Variants in EXOC3L4 observed in about 807,000 individuals in gnomAD.
The protein encoded by EXOC3L4 is exocyst complex component 3-like protein 4.
A neutral mutation model predicts 69.7 loss-of-function variants in EXOC3L4; 62 were observed. That is an observed-to-expected ratio of 0.89 (90% CI 0.72 to 1.10). The LOEUF is 1.10. EXOC3L4 is among the 50% of genes least tolerant of loss of function. EXOC3L4 has a pLI of 0.00. For missense variants in EXOC3L4, 1,087 were observed against 1,034.8 expected (o/e 1.05, Z -0.69); for synonymous variants, 502 against 464.2 (o/e 1.08, Z -1.05).
rs1310874892 is a variant in EXOC3L4 at position 103,106,809 on chromosome 14, A to G, written c.1491A>G (p.Pro497=). The part of the protein sequence containing the change: ...ELRTSLLSRF[P]GTQEELEKPL... ...GGACCAGTCTTCTCTCCAGGTTCCCAGGAACCCAAGAGGAGCTGGAGAAGC... is the reference window on the plus strand; with the variant it reads ...GGACCAGTCTTCTCTCCAGGTTCCCGGGAACCCAAGAGGAGCTGGAGAAGC... The change falls in exon 8 of 12, where the codon CCA becomes CCG. Residue 497 remains proline, a synonymous_variant. Transcript: ENST00000688303. 3 of 1,591,310 alleles carry G rather than the reference A, an allele frequency of 1.9e-6. No individual in the cohort carries two copies. Among genetic ancestry groups the G allele is most frequent in the Non-Finnish European group, 2.6e-6 (3 of 1,168,126 alleles).
chr14:103,103,864 T>C, intron 3 of EXOC3L4, 77 bp from the exon 4 acceptor site: 3 of 941,010 alleles, frequency 3.2e-6, no homozygotes, highest in Non-Finnish European at 4.8e-6. Context: ...CGTTAGACTT[T>C]GAGCCTGGCC....
chr14:103,098,265 C>T (rs1478857923), intron 1 of EXOC3L4, among the ~76,000 whole-genome samples: 2 of 152,138 alleles, frequency 1.3e-5, no homozygotes, highest in African/African-American at 2.4e-5. Flanking sequence ...TCTGACCCCA[C>T]TCTGGGACCT....
chr14:103,105,049 C>CA lies in EXOC3L4; in HGVS notation c.1444dup (p.Ile482AsnfsTer44), dbSNP rs760508121. 5.4e-5 allele frequency: 87 copies of CA among 1,611,970 alleles called. No individual in the cohort carries two copies. The highest frequency in any genetic ancestry group is 6.9e-5 in the Non-Finnish European group (81 of 1,178,474). On this transcript the variant is annotated frameshift_variant, in exon 7 of 12. Transcript: ENST00000688303. LOFTEE classifies it high-confidence loss of function. ...TGAGCGAGCCGCACCTGGGCGCCTA[C>CA]ATCAACGCCTGCGAGGAGCTCAGGT...
In EXOC3L4 at chr14:103,100,538, C is replaced by A; in HGVS notation, c.319C>A (p.Pro107Thr). ...CCATTCCCAGGCCACTCCTGAGGTG[C>A]CCTCGGGGGTCATGAATGGTGTCAG... ...TGHSQATPEV[P>T]SGVMNGVSQQ... is the part of the protein sequence containing the mutation. The change falls in exon 2 of 12, where the codon CCC becomes ACC. Residue 107 changes from proline to threonine, a missense_variant. Coordinates refer to ENST00000688303, the MANE Select transcript of EXOC3L4 (RefSeq NM_001077594.2). 6.2e-7 allele frequency: 1 copy of A among 1,612,664 alleles called. No individual in the cohort carries two copies. Among genetic ancestry groups the A allele is most frequent in the Non-Finnish European group, 8.5e-7 (1 of 1,179,658 alleles).
In EXOC3L4 at chr14:103,097,894, T is replaced by C. The variant is rs955347793; in HGVS notation, c.-16-2310T>C. Among the ~76,000 whole-genome samples, 4 of 151,608 alleles carry C rather than the reference T, an allele frequency of 2.6e-5. No homozygotes were observed. Among genetic ancestry groups the C allele is most frequent in the African/African-American group, 9.7e-5 (4 of 41,198 alleles). ...CCCAGGGGAAGCTGGTGAGGTGTCA[T>C]CAGCGGGAGGTGGGGGGTGGAGGAA... On this transcript the variant is annotated intron_variant, in intron 1 of 11. Coordinates refer to ENST00000688303, the MANE Select transcript of EXOC3L4 (RefSeq NM_001077594.2). The surrounding 1 kb of genome is among the most constrained non-coding windows in gnomAD (Gnocchi z 4.9).
rs184485012 is a variant in EXOC3L4, at chr14:103,103,831, C to G, written c.1050-110C>G. On this transcript the variant is annotated intron_variant, in intron 3 of 11. Coordinates refer to ENST00000688303, the MANE Select transcript of EXOC3L4 (RefSeq NM_001077594.2). ...GTGTGTGTGTGTGTGTGTGTGTGTA[C>G]AGATGCCCAGGTTCGGGATTGGCGT... The G allele has an allele frequency of 1.8e-3, 911 of 516,040 alleles. 10 individuals are homozygous for G. The African/African-American group carries it at 0.02, about 11-fold the overall frequency. 32.0% of individuals were successfully genotyped at this position (516,040 alleles called of 1,614,324 possible). A position where few individuals can be genotyped will look rare whatever the true frequency, so the allele number is the denominator to read the frequency against.
Position 103,110,357 on chromosome 14 carries a change from C to T in EXOC3L4, c.*134C>T, listed in dbSNP as rs1261373378. The T allele has an allele frequency of 9.7e-7, 1 of 1,029,426 alleles. No homozygotes were observed. The highest frequency in any genetic ancestry group is 1.4e-5 in the South Asian group (1 of 73,028). 63.8% of individuals were successfully genotyped at this position (1,029,426 alleles called of 1,614,324 possible). ...GCAGTTAGGGAATTTTTGTCGTCAG[C>T]AGCCAAGCGCAGCTGTCAGGCCAGA... On this transcript the variant is annotated 3_prime_UTR_variant, in exon 12 of 12. Coordinates refer to ENST00000688303, the MANE Select transcript of EXOC3L4 (RefSeq NM_001077594.2).
chr14:103,106,120 G>A (rs547190037), intron 7 of EXOC3L4, among the ~76,000 whole-genome samples: 3 of 152,356 alleles, frequency 2.0e-5, no homozygotes, highest in African/African-American at 4.8e-5. Context: ...GTATACCCAC[G>A]CACAGGTGCA....
chr14:103,101,831 G>A (rs1459718679), intron 2 of EXOC3L4, among the ~76,000 whole-genome samples: 1 of 152,264 alleles, frequency 6.6e-6, no homozygotes, highest in East Asian at 1.9e-4. Flanking sequence ...GCTCAGCCGG[G>A]AGTGGAAGGT....
rs775460887 is a variant in EXOC3L4, at chr14:103,107,483, C to G, written c.1641C>G (p.Leu547=). The change falls in exon 9 of 12, where the codon CTC becomes CTG. Residue 547 remains leucine, a synonymous_variant. Transcript: ENST00000688303. ...DWLTQDWLHP[L]MDKVVTFAGH... ...TGACGCAGGACTGGCTGCATCCCCT[C>G]ATGGACAAGGTGGTGACCTTCGCCG... 3 of 1,613,882 alleles carry G rather than the reference C, an allele frequency of 1.9e-6. No homozygotes were observed. The highest frequency in any genetic ancestry group is 2.5e-6 in the Non-Finnish European group (3 of 1,180,022).
chr14:103,094,731 C>A lies in EXOC3L4; in HGVS notation c.-126C>A, dbSNP rs1033603633. ...TGGGAAGTCCCAGCTGTTGGTCACT[C>A]GCTCAGGCTGCTCTAGAGGCCCCAT... On this transcript the variant is annotated 5_prime_UTR_variant, in exon 1 of 12. Coordinates refer to ENST00000688303, the MANE Select transcript of EXOC3L4 (RefSeq NM_001077594.2). 2 of 152,314 alleles carry A rather than the reference C, an allele frequency of 1.3e-5. No homozygotes were observed. The highest frequency in any genetic ancestry group is 2.4e-5 in the African/African-American group (1 of 41,454). 9.4% of individuals were successfully genotyped at this position (152,314 alleles called of 1,614,324 possible).
rs768949981 is a variant in EXOC3L4, at chr14:103,102,617, G to A, written c.894G>A (p.Gln298=). 95 of 1,499,202 alleles carry A rather than the reference G, an allele frequency of 6.3e-5. No homozygotes were observed. Among genetic ancestry groups the A allele is most frequent in the Middle Eastern group, 1.8e-4 (1 of 5,624 alleles). The allele number at this position is 1,499,202 out of a possible 1,614,324, so 92.9% of individuals were successfully genotyped here. A position where few individuals can be genotyped will look rare whatever the true frequency, so the allele number is the denominator to read the frequency against. The change falls in exon 3 of 12, where the codon CAG becomes CAA. Residue 298 remains glutamine (Q), a synonymous_variant. Coordinates refer to ENST00000688303, the MANE Select transcript of EXOC3L4 (RefSeq NM_001077594.2). ...TGCAGAAGGTGCGGCAGGAGGTGCA[G>A]CCCGCGTATGCGGCGGCCGGCTTCC... The part of the protein sequence containing the change: ...RDLQKVRQEV[Q]PAYAAAGFPA...
In EXOC3L4 at chr14:103,102,244, C is replaced by T. The variant is rs1462947775; in HGVS notation, c.521C>T (p.Ala174Val). The change falls in exon 3 of 12, where the codon GCC becomes GTC. Residue 174 changes from alanine to valine, a missense_variant. By Grantham distance (64) the Ala-to-Val change is moderately conservative. Coordinates refer to ENST00000688303, the MANE Select transcript of EXOC3L4 (RefSeq NM_001077594.2). The part of the protein sequence containing the change: ...ASRTFEQDPT[A>V]FARRAMDVCL... ...CGCACCTTTGAGCAGGACCCTACGG[C>T]CTTCGCGCGGCGCGCTATGGACGTG... 1 of 1,589,236 alleles carries T rather than the reference C, an allele frequency of 6.3e-7. No homozygotes were observed. The highest frequency in any genetic ancestry group is 2.3e-5 in the East Asian group (1 of 43,316).
intron 10 of EXOC3L4, 124 bp from the exon 11 acceptor site, chr14:103,108,272 A>AGAGT: frequency 7.1e-7 from 1 of 1,418,296 alleles, no homozygotes; most frequent in Non-Finnish European, 9.5e-7. Flanking sequence ...GCACCGAGCC[A>AGAGT]GAGTGACTAC....
intron 9 of EXOC3L4, 42 bp downstream of exon 9, chr14:103,107,585 T>C (rs778090727): frequency 1.8e-5 from 29 of 1,610,722 alleles, no homozygotes; most frequent in Non-Finnish European, 2.4e-5. Context: ...GTGCCCAGGA[T>C]TGGGGCTGTT....
chr14:103,104,740 C>T lies in EXOC3L4; in HGVS notation c.1287C>T (p.Leu429=). 6.6e-7 allele frequency: 1 copy of T among 1,504,760 alleles called. No homozygotes were observed. Among genetic ancestry groups the T allele is most frequent in the South Asian group, 1.2e-5 (1 of 80,704 alleles). The allele number at this position is 1,504,760 out of a possible 1,614,324, so 93.2% of individuals were successfully genotyped here. A position where few individuals can be genotyped will look rare whatever the true frequency, so the allele number is the denominator to read the frequency against. ...QAPLSMDVHM[L]VAEHVKAAGA... ...TCAGTGCGGGGCTTCGCTCGCAGCT[C>T]GTGGCCGAGCACGTGAAGGCGGCCG... Residue 429 remains leucine (L), a splice_region_variant and synonymous_variant, in exon 6 of 12, where the codon CTC becomes CTT. Coordinates refer to ENST00000688303, the MANE Select transcript of EXOC3L4 (RefSeq NM_001077594.2).
intron 7 of EXOC3L4, among the ~76,000 whole-genome samples, chr14:103,105,468 G>C (rs997341302): frequency 6.6e-6 from 1 of 151,830 alleles, no homozygotes; most frequent in African/African-American, 2.4e-5. Flanking sequence ...CGTGTGTCTT[G>C]TGTGTGTGTG....
Position 103,102,705 on chromosome 14 carries a change from G to C in EXOC3L4, c.982G>C (p.Ala328Pro). Residue 328 changes from alanine (A) to proline (P), a missense_variant, in exon 3 of 12, where the codon GCG becomes CCG. Physicochemically the swap from Ala to Pro is conservative, Grantham distance 27. Coordinates refer to ENST00000688303, the MANE Select transcript of EXOC3L4 (RefSeq NM_001077594.2). ...CGTGGCCCAGCGCCTCCAGGAGCTC[G>C]CGCGCGACGCCCGCGGCTGCGAGCA... The part of the protein sequence containing the change: ...SAVAQRLQEL[A>P]RDARGCEQLY... The C allele has an allele frequency of 6.8e-7, 1 of 1,463,310 alleles. No individual in the cohort carries two copies. Among genetic ancestry groups the C allele is most frequent in the Non-Finnish European group, 9.0e-7 (1 of 1,111,884 alleles). 90.6% of individuals were successfully genotyped at this position (1,463,310 alleles called of 1,614,324 possible). A position where few individuals can be genotyped will look rare whatever the true frequency, so the allele number is the denominator to read the frequency against.
At chr14:103,103,512 GT>G (rs1890341174) in intron 3 of EXOC3L4, 1 of 168,756 alleles carries the variant, frequency 5.9e-6, no homozygotes, top group Admixed American at 6.3e-5. Context: ...CCGCGGAGCG[GT>G]TCCCAGCCCC....
Sources: allele counts gnomAD v4.1 joint callset (sites outside exome capture counted in the v4.1 genomes callset), GRCh38; gene constraint gnomAD v4.1.1; non-coding constraint Gnocchi (gnomAD v3.1); transcripts MANE v1.5; gene names NCBI Gene and HGNC (gene_info 2026-07-23, HGNC 2026-07-21).